TRDN: variants seen among roughly 807,000 people sequenced by gnomAD.
TRDN encodes the protein triadin in skeletal muscle.
Under a neutral mutation model 149.7 loss-of-function variants are expected in TRDN, and 161 were observed. The ratio of observed to expected loss-of-function variants is 1.08; its 90% CI spans 0.95 to 1.23. TRDN has a LOEUF of 1.23. TRDN is among the 50% of genes most tolerant of loss of function. The pLI is 0.00. For synonymous variants in TRDN, 294 were observed against 250.5 expected (o/e 1.17, Z -1.64); for missense variants, 896 against 823.5 (o/e 1.09, Z -1.08).
intron 5 of TRDN, chr6:123,528,831 T>C: frequency 1.0e-6 from 1 of 1,002,500 alleles, no homozygotes; most frequent in Non-Finnish European, 1.2e-6. Flanking sequence ...AAGCTCTCTC[T>C]GATTTCCAGC....
intron 24 of TRDN, among the ~76,000 whole-genome samples, chr6:123,288,892 T>G (rs1005267886): frequency 1.3e-5 from 2 of 151,816 alleles, no homozygotes; most frequent in Admixed American, 6.6e-5. Flanking sequence ...GTCTGTTATA[T>G]CCAAAGGAAT....
At chr6:123,314,559 C>A (rs1027439301) in intron 24 of TRDN, among the ~76,000 whole-genome samples, 1 of 151,988 alleles carries the variant, frequency 6.6e-6, no homozygotes, top group Non-Finnish European at 1.5e-5. Context: ...TTCATTGCAG[C>A]ACTATCCACA....
At position 123,467,457 on chromosome 6, in the gene TRDN, C is replaced by A. The variant is rs116174920; in HGVS notation, c.854-2474G>T. Among the ~76,000 whole-genome samples, 818 of 152,154 alleles carry A rather than the reference C, an allele frequency of 5.4e-3. 6 individuals are homozygous for A. Among genetic ancestry groups the A allele is most frequent in the African/African-American group, 0.018 (760 of 41,512 alleles). On this transcript the variant is annotated intron_variant, in intron 9 of 40. Transcript: ENST00000334268. Reference sequence around the variant, plus strand: ...TATAATGCTCTTTTTATTCTGCTCTCTAACATGGCTGATGGCATGGTTGTA... The same window carrying A: ...TATAATGCTCTTTTTATTCTGCTCTATAACATGGCTGATGGCATGGTTGTA...
intron 20 of TRDN, among the ~76,000 whole-genome samples, chr6:123,357,763 A>C (rs1050835054): frequency 2.0e-5 from 3 of 152,178 alleles, no homozygotes; most frequent in African/African-American, 7.2e-5. Context: ...CCTGAAGGGT[A>C]AATGTCTCAG....
At chr6:123,464,148 A>T (rs1776646935) in intron 10 of TRDN, 2 of 591,206 alleles carry the variant, frequency 3.4e-6, no homozygotes, top group Non-Finnish European at 4.3e-6. Flanking sequence ...ACTGTTTTCT[A>T]TTCATCTCTG....
intron 8 of TRDN, among the ~76,000 whole-genome samples, chr6:123,499,683 A>C (rs1473362527): frequency 4.7e-5 from 6 of 128,892 alleles, no homozygotes; most frequent in Non-Finnish European, 6.5e-5. Flanking sequence ...CAGCCTGGGC[A>C]ACATAGTGAG....
intron 23 of TRDN, among the ~76,000 whole-genome samples, chr6:123,320,270 G>C (rs145741041): frequency 0.023 from 3,545 of 151,334 alleles, 135 homozygotes; most frequent in African/African-American, 0.073. Context: ...TAGTCTCTAA[G>C]GTAAGTATAT....
chr6:123,412,282 A>G (rs991538640), intron 12 of TRDN, among the ~76,000 whole-genome samples: 1 of 152,214 alleles, frequency 6.6e-6, no homozygotes, highest in Non-Finnish European at 1.5e-5. Context: ...AACATGGTAA[A>G]TTTAAAGATT....
intron 24 of TRDN, among the ~76,000 whole-genome samples, chr6:123,308,561 A>G (rs1225315600): frequency 6.6e-6 from 1 of 151,950 alleles, no homozygotes; most frequent in Non-Finnish European, 1.5e-5. Context: ...TCGCCTCATA[A>G]ATACAAAACC....
At position 123,252,454 on chromosome 6, in the gene TRDN, T is replaced by C; in HGVS notation, c.1952-19A>G. 7.0e-7 allele frequency: 1 copy of C among 1,434,304 alleles called. No individual in the cohort carries two copies. Among genetic ancestry groups the C allele is most frequent in the Non-Finnish European group, 9.6e-7 (1 of 1,045,610 alleles). 88.8% of individuals were successfully genotyped at this position (1,434,304 alleles called of 1,614,324 possible). Reference sequence around the variant, plus strand: ...TTTTCTGCTAAAAAGAGAAAATAAATAAGTTTTGTTTAACTGAGATAAAAT... The same window carrying C: ...TTTTCTGCTAAAAAGAGAAAATAAACAAGTTTTGTTTAACTGAGATAAAAT... On this transcript the variant is annotated intron_variant, in intron 37 of 40. Transcript: ENST00000334268.
chr6:123,503,515 G>T, intron 8 of TRDN: 1 of 1,411,262 alleles, frequency 7.1e-7, no homozygotes. Context: ...TGCCCCTTTA[G>T]ATCTGTGAAC....
chr6:123,429,392 T>A (rs1774245810), intron 12 of TRDN, among the ~76,000 whole-genome samples: 1 of 152,230 alleles, frequency 6.6e-6, no homozygotes, highest in Non-Finnish European at 1.5e-5. Context: ...TGGCAGAATT[T>A]GCTGTTGTTT....
At chr6:123,465,249 A>G (rs1297004693) in intron 9 of TRDN, among the ~76,000 whole-genome samples, 1 of 152,196 alleles carries the variant, frequency 6.6e-6, no homozygotes, top group Admixed American at 6.5e-5. Flanking sequence ...ACTGGACTTC[A>G]TTAATGGAAA....
At chr6:123,609,687 T>C (rs1784697399) in intron 1 of TRDN, among the ~76,000 whole-genome samples, 1 of 152,204 alleles carries the variant, frequency 6.6e-6, no homozygotes, top group South Asian at 2.1e-4. Flanking sequence ...CACTCACGTA[T>C]CTCCTCTAAA....
intron 20 of TRDN, among the ~76,000 whole-genome samples, chr6:123,357,582 T>G (rs1260799102): frequency 6.6e-6 from 1 of 152,096 alleles, no homozygotes; most frequent in East Asian, 1.9e-4. Context: ...AGTGCCTGAG[T>G]CTATTCTATG....
At chr6:123,448,105 G>A (rs1583043972) in intron 10 of TRDN, among the ~76,000 whole-genome samples, 1 of 152,214 alleles carries the variant, frequency 6.6e-6, no homozygotes, top group East Asian at 1.9e-4. Flanking sequence ...GGGTCCCCTA[G>A]CAGGCCATTC....
chr6:123,610,127 T>C (rs1363736282), intron 1 of TRDN, among the ~76,000 whole-genome samples: 1 of 152,180 alleles, frequency 6.6e-6, no homozygotes, highest in Non-Finnish European at 1.5e-5. Context: ...TTGCATGCAA[T>C]AGCTATTAAG....
intron 2 of TRDN, among the ~76,000 whole-genome samples, chr6:123,569,547 T>C (rs570344222): frequency 1.2e-4 from 19 of 152,292 alleles, no homozygotes; most frequent in African/African-American, 4.6e-4. Flanking sequence ...TAAGACTGGG[T>C]AATTTATAAA....
At chr6:123,609,484 A>G (rs1410998702) in intron 1 of TRDN, among the ~76,000 whole-genome samples, 1 of 152,102 alleles carries the variant, frequency 6.6e-6, no homozygotes, top group African/African-American at 2.4e-5. Flanking sequence ...TAACTCAAGC[A>G]TATGTTATTT....
Sources: allele counts gnomAD v4.1 joint callset (sites outside exome capture counted in the v4.1 genomes callset), GRCh38; gene constraint gnomAD v4.1.1; transcripts MANE v1.5; gene names NCBI Gene and HGNC (gene_info 2026-07-23, HGNC 2026-07-21).